Variants in LRCH2 observed in about 807,000 individuals in gnomAD.
The protein encoded by LRCH2 is leucine rich repeats and calponin homology domain containing 2.
In LRCH2, 38 loss-of-function variants were observed where a neutral mutation model predicts 68.9. The observed-to-expected ratio is 0.55, with a 90% CI of 0.43 to 0.72. The LOEUF (loss-of-function observed/expected upper bound fraction) is 0.72. Among genes scored for constraint, LRCH2 ranks in the 30% least tolerant of loss-of-function variants. The pLI, the probability that LRCH2 is intolerant of heterozygous loss-of-function variation, is 0.00. For synonymous variants in LRCH2, 191 were observed against 208.1 expected (o/e 0.92, Z 0.71); for missense variants, 528 against 572.9 (o/e 0.92, Z 0.80).
chrX:115,129,522 C>T (rs782583798), intron 15 of LRCH2, among the ~76,000 whole-genome samples: 14 of 111,295 alleles, frequency 1.3e-4, no homozygotes, highest in Non-Finnish European at 2.4e-4. Context: ...AGCTGGCAGA[C>T]GACCAATCAT....
At chrX:115,152,855 C>A (rs1238967056) in intron 12 of LRCH2, among the ~76,000 whole-genome samples, 1 of 110,521 alleles carries the variant, frequency 9.0e-6, no homozygotes, top group Non-Finnish European at 1.9e-5. Flanking sequence ...GTTACAGACA[C>A]CCAGAGGAAA....
chrX:115,164,782 C>T (rs781802923), intron 10 of LRCH2, among the ~76,000 whole-genome samples: 1 of 110,659 alleles, frequency 9.0e-6, no homozygotes, highest in Non-Finnish European at 1.9e-5. Context: ...AAGCACATAG[C>T]ACTAATCCTG....
At chrX:115,207,966 C>T (rs2072980781) in intron 1 of LRCH2, among the ~76,000 whole-genome samples, 1 of 111,608 alleles carries the variant, frequency 9.0e-6, no homozygotes, top group African/African-American at 3.3e-5. Context: ...AATAATTGTG[C>T]CACACAATGC....
At chrX:115,178,282 T>C (rs2147403327) in intron 5 of LRCH2, among the ~76,000 whole-genome samples, 1 of 112,045 alleles carries the variant, frequency 8.9e-6, no homozygotes, top group African/African-American at 3.2e-5. Flanking sequence ...GTGTTTAATA[T>C]GGGAGCTACC....
chrX:115,139,546 C>A (rs2072318769), intron 14 of LRCH2, among the ~76,000 whole-genome samples: 1 of 111,625 alleles, frequency 9.0e-6, no homozygotes, highest in Non-Finnish European at 1.9e-5. Flanking sequence ...CTTTGGGAGG[C>A]CTGGGCAGGC....
chrX:115,156,670 A>G lies in LRCH2; in HGVS notation c.1464-3T>C. 1 of 1,103,864 alleles carries G rather than the reference A, an allele frequency of 9.1e-7. No homozygotes were observed. The allele number at this position is 1,103,864 out of a possible 1,213,427, so 91.0% of individuals were successfully genotyped here. On this transcript the variant is annotated splice_polypyrimidine_tract_variant and splice_region_variant and intron_variant, in intron 11 of 20. Coordinates refer to ENST00000317135, the MANE Select transcript of LRCH2 (RefSeq NM_020871.4). ...CAGAAGTTGAATGATTAAGAATCCT[A>G]GAAGTAAATCAACACATTAATTCCC...
At position 115,122,620 on chromosome X, in the gene LRCH2, G is replaced by GA. The variant is rs1556526367; in HGVS notation, c.2101-17dup. On this transcript the variant is annotated splice_polypyrimidine_tract_variant and intron_variant, in intron 19 of 20. Transcript: ENST00000317135. ...TCAGTTTGGGCTGTAAAGTAAGAGG[G>GA]AAAAAATGTACTTTTAGGCATTTTT... 2 of 1,198,199 alleles carry GA rather than the reference G, an allele frequency of 1.7e-6. No individual in the cohort carries two copies. Among genetic ancestry groups the GA allele is most frequent in the Admixed American group, 2.3e-5 (1 of 44,378 alleles).
chrX:115,184,648 A>AGTG, intron 2 of LRCH2, 111 bp from the exon 3 acceptor site: 1 of 700,906 alleles, frequency 1.4e-6, no homozygotes, highest in Non-Finnish European at 2.0e-6. Flanking sequence ...GTAATAACTT[A>AGTG]ATAAGTACTT....
At chrX:115,174,172 G>A (rs1216644987) in intron 5 of LRCH2, among the ~76,000 whole-genome samples, 1 of 111,406 alleles carries the variant, frequency 9.0e-6, no homozygotes, top group Non-Finnish European at 1.9e-5. Flanking sequence ...CCACAGTCAA[G>A]CTAATTAACA....
At position 115,160,450 on chromosome X, in the gene LRCH2, T is replaced by C. The variant is rs962172550; in HGVS notation, c.1463+3226A>G. 7.1e-5 allele frequency among the ~76,000 whole-genome samples: 8 copies of C among 112,502 alleles called. 1 individual carries two copies. The highest frequency in any genetic ancestry group is 1.1e-4 in the Non-Finnish European group (6 of 53,273). Reference sequence around the variant, plus strand: ...TAATTACCTCTAGTTTGGGAGAAGATACATGGCTTCATTTAGCTGAGAGCT... The same window carrying C: ...TAATTACCTCTAGTTTGGGAGAAGACACATGGCTTCATTTAGCTGAGAGCT... On this transcript the variant is annotated intron_variant, in intron 11 of 20. Transcript: ENST00000317135.
intron 2 of LRCH2, among the ~76,000 whole-genome samples, chrX:115,185,528 T>C: frequency 8.9e-6 from 1 of 111,980 alleles, no homozygotes. Flanking sequence ...AGCGATAAGC[T>C]ATTATTTTTC....
intron 1 of LRCH2, among the ~76,000 whole-genome samples, chrX:115,194,464 CTT>C (rs2072872619): frequency 9.0e-6 from 1 of 111,697 alleles, no homozygotes; most frequent in Non-Finnish European, 1.9e-5. Context: ...ATTCTTGTAA[CTT>C]CAGAATTCTG....
At position 115,176,892 on chromosome X, in the gene LRCH2, G is replaced by A. The variant is rs781906583; in HGVS notation, c.864+2535C>T. On this transcript the variant is annotated intron_variant, in intron 5 of 20. Transcript: ENST00000317135. ...CTCCCCAGTAGCTGAGACTACAGGC[G>A]CGTGCCACCACACCCAGCTAATTTT... Among the ~76,000 whole-genome samples the A allele has an allele frequency of 1.9e-3, 200 of 106,616 alleles. 1 individual carries two copies. The highest frequency in any genetic ancestry group is 9.7e-3 in the Middle Eastern group (2 of 206). The allele number at this position is 106,616 out of a possible 115,157, so 92.6% of individuals were successfully genotyped here.
chrX:115,130,074 G>A, intron 15 of LRCH2, 81 bp downstream of exon 15: 1 of 487,977 alleles, frequency 2.0e-6, no homozygotes, highest in Non-Finnish European at 3.3e-6. Context: ...ACTGAAAAAT[G>A]GATTACATTT....
chrX:115,148,556 T>C (rs782596989), intron 14 of LRCH2, among the ~76,000 whole-genome samples: 1 of 112,017 alleles, frequency 8.9e-6, no homozygotes, highest in South Asian at 3.7e-4. Flanking sequence ...CCCCATACCA[T>C]CAGTCATTCA....
intron 14 of LRCH2, among the ~76,000 whole-genome samples, chrX:115,140,773 A>C (rs2072330335): frequency 8.9e-6 from 1 of 111,916 alleles, no homozygotes; most frequent in Admixed American, 9.5e-5. Context: ...AAGGGGAAAG[A>C]AGAGTGGCAA....
chrX:115,120,922 C>T (rs1191472621), intron 20 of LRCH2, among the ~76,000 whole-genome samples: 1 of 101,302 alleles, frequency 9.9e-6, no homozygotes, highest in African/African-American at 3.6e-5. Context: ...ATCGCAAGAA[C>T]AAAAAACCAA....
chrX:115,180,501 C>T (rs1242534242), intron 3 of LRCH2, among the ~76,000 whole-genome samples: 1 of 110,514 alleles, frequency 9.0e-6, no homozygotes, highest in East Asian at 2.8e-4. Context: ...TGCTCTCTCC[C>T]CTCTTTCTTA....
intron 1 of LRCH2, among the ~76,000 whole-genome samples, chrX:115,199,541 G>A (rs1336699746): frequency 1.8e-5 from 2 of 111,498 alleles, no homozygotes; most frequent in African/African-American, 6.5e-5. Flanking sequence ...AATAAAAGAC[G>A]GTTAAAAAAG....
Sources: gnomAD v4.1 joint callset for allele counts (sites outside exome capture counted in the v4.1 genomes callset) on GRCh38, gnomAD v4.1.1 for gene constraint, MANE v1.5 for transcripts, NCBI Gene and HGNC (gene_info 2026-07-23, HGNC 2026-07-21) for gene names.